Variants in CA6 observed in about 807,000 individuals in gnomAD.
The protein encoded by CA6 is carbonic anhydrase 6.
CA6 carries 28 observed loss-of-function variants against 35.9 expected under a neutral mutation model. The ratio of observed to expected loss-of-function variants is 0.78; its 90% CI spans 0.58 to 1.07. The LOEUF is 1.07. Ranked by LOEUF, CA6 falls within the 50% of genes least tolerant of loss-of-function variation. CA6 has a pLI of 0.00. For missense variants in CA6, 377 were observed against 382.0 expected (o/e 0.99, Z 0.11); for synonymous variants, 148 against 152.6 (o/e 0.97, Z 0.22).
rs1195561738 is a variant in CA6 at position 8,963,372 on chromosome 1, C to T, written c.571+716C>T. 6.6e-6 allele frequency among the ~76,000 whole-genome samples: 1 copy of T among 152,154 alleles called. No homozygotes were observed. The highest frequency in any genetic ancestry group is 6.5e-5 in the Admixed American group (1 of 15,268). On this transcript the variant is annotated intron_variant, in intron 5 of 7. Transcript: ENST00000377443. This position sits in a 1 kb window ranked among gnomAD's most constrained non-coding sequence, Gnocchi z 4.1. The stretch of plus-strand genomic sequence containing the variant: ...CCCGATACTCTCAAGTCTCCCTCAA[C>T]ACTCCCATGCAAACACCCTCTAGCC...
intron 2 of CA6, among the ~76,000 whole-genome samples, chr1:8,955,091 T>C (rs1410328423): frequency 9.2e-6 from 1 of 108,164 alleles, no homozygotes; most frequent in Non-Finnish European, 2.2e-5. Context: ...CATTAATATA[T>C]ATTGCCCAGG....
Position 8,969,670 on chromosome 1 carries a change from C to T in CA6, c.730-1197C>T, listed in dbSNP as rs927121412. On this transcript the variant is annotated intron_variant, in intron 6 of 7. Coordinates refer to ENST00000377443, the MANE Select transcript of CA6 (RefSeq NM_001215.4). Reference sequence around the variant, plus strand: ...GTGTAGATATGTGTGTGTGTGTATACACAACATCCTGCAGTAAACGCATCA... The same window carrying T: ...GTGTAGATATGTGTGTGTGTGTATATACAACATCCTGCAGTAAACGCATCA... Among the ~76,000 whole-genome samples the T allele has an allele frequency of 3.9e-5, 6 of 151,972 alleles. No homozygotes were observed. In the South Asian group the frequency reaches 6.2e-4, roughly 16 times the overall value.
intron 2 of CA6, chr1:8,951,625 G>A (rs1464287711): frequency 1.3e-6 from 1 of 765,254 alleles, no homozygotes. Context: ...ATATGGAAGA[G>A]AAGAGCCCAG....
chr1:8,966,211 G>C (rs1369988479), intron 5 of CA6, among the ~76,000 whole-genome samples: 1 of 152,086 alleles, frequency 6.6e-6, no homozygotes, highest in African/African-American at 2.4e-5. Flanking sequence ...CCAAGTTCAA[G>C]CGCTTCTCCT....
intron 2 of CA6, among the ~76,000 whole-genome samples, chr1:8,954,053 G>A (rs1639610272): frequency 6.6e-6 from 1 of 152,152 alleles, no homozygotes; most frequent in South Asian, 2.1e-4. Context: ...AAAAAGGGGA[G>A]GCATGAATAA....
intron 2 of CA6, among the ~76,000 whole-genome samples, chr1:8,953,533 C>T (rs1007951130): frequency 2.0e-5 from 3 of 152,122 alleles, no homozygotes; most frequent in Non-Finnish European, 2.9e-5. Context: ...GTGCGAGGCT[C>T]ACTTGAGCAG....
At chr1:8,956,963 C>T (rs41278982) in intron 2 of CA6, among the ~76,000 whole-genome samples, 174 bp from the exon 3 acceptor site, 5,729 of 152,268 alleles carry the variant, frequency 0.038, 304 homozygotes, top group African/African-American at 0.11. Context: ...GTGCCCTGTG[C>T]GCAAACGCCT....
intron 4 of CA6, among the ~76,000 whole-genome samples, chr1:8,960,230 C>CAAA (rs199920089): frequency 1.1e-5 from 1 of 90,754 alleles, no homozygotes. Context: ...GACTCCGTCT[C>CAAA]AAAAAAAAAA....
intron 2 of CA6, chr1:8,951,443 C>G (rs1569662919): frequency 1.3e-6 from 1 of 764,000 alleles, no homozygotes; most frequent in East Asian, 2.4e-5. Flanking sequence ...GGAACTCTTC[C>G]TCCCCTCCTT....
chr1:8,946,183 G>A (rs75444155), intron 1 of CA6, among the ~76,000 whole-genome samples: 1 of 152,066 alleles, frequency 6.6e-6, no homozygotes, highest in Non-Finnish European at 1.5e-5. Flanking sequence ...GATTACAGGT[G>A]CCTGCCACCA....
chr1:8,971,857 C>T (rs139748385), intron 7 of CA6, among the ~76,000 whole-genome samples: 3 of 152,340 alleles, frequency 2.0e-5, no homozygotes, highest in Admixed American at 2.0e-4. Flanking sequence ...GTCCTTGGCT[C>T]ACCTCGTTTC....
rs193128677 is a variant in CA6 at position 8,958,904 on chromosome 1, T to C, written c.409-6T>C. On this transcript the variant is annotated splice_region_variant and splice_polypyrimidine_tract_variant and intron_variant, in intron 3 of 7. Coordinates refer to ENST00000377443, the MANE Select transcript of CA6 (RefSeq NM_001215.4). ...GCCCTTGACCCACTCTACCTTGCTC[T>C]TACAGATTCACATTGTTCACTACAA... 122 of 1,552,378 alleles carry C rather than the reference T, an allele frequency of 7.9e-5. 1 individual carries two copies. In the African/African-American group the frequency reaches 1.2e-3, roughly 16 times the overall value.
chr1:8,951,710 G>T, intron 2 of CA6: 1 of 759,720 alleles, frequency 1.3e-6, no homozygotes, highest in Non-Finnish European at 2.4e-6. Context: ...TTAGGGCTCT[G>T]CTCAAATTTC....
chr1:8,965,467 C>T (rs995999177), intron 5 of CA6, among the ~76,000 whole-genome samples: 1 of 152,156 alleles, frequency 6.6e-6, no homozygotes, highest in Non-Finnish European at 1.5e-5. Flanking sequence ...TTTGACTATT[C>T]TAGGTACCTC....
intron 5 of CA6, among the ~76,000 whole-genome samples, chr1:8,962,949 C>T (rs1639880126): frequency 2.0e-5 from 3 of 152,196 alleles, no homozygotes; most frequent in African/African-American, 7.2e-5. Flanking sequence ...CGATGACTGT[C>T]ACCTCAGCTG....
intron 4 of CA6, 103 bp downstream of exon 4, chr1:8,959,105 A>C: frequency 2.8e-6 from 2 of 706,184 alleles, no homozygotes; most frequent in Non-Finnish European, 5.1e-6. Flanking sequence ...ATCACTCTTC[A>C]TCTTTTCCTG....
intron 4 of CA6, among the ~76,000 whole-genome samples, chr1:8,960,195 C>T (rs1162120667): frequency 1.3e-5 from 2 of 150,876 alleles, no homozygotes; most frequent in African/African-American, 4.9e-5. Flanking sequence ...AATGCCACTA[C>T]ACTCCAGCCT....
chr1:8,958,982 G>C lies in CA6; in HGVS notation c.481G>C (p.Val161Leu). ...IAQDAPDGLAVLAAFVEVKNY... is the reference protein window; with the variant it reads ...IAQDAPDGLALLAAFVEVKNY... ...CCAAGATGCGCCGGATGGTTTGGCT[G>C]TACTGGCAGCCTTCGTTGAGGTAAG... The change falls in exon 4 of 8, where the codon GTA becomes CTA. Residue 161 changes from valine to leucine, a missense_variant. Val to Leu is a conservative substitution (Grantham distance 32). Coordinates refer to ENST00000377443, the MANE Select transcript of CA6 (RefSeq NM_001215.4). The C allele has an allele frequency of 6.2e-7, 1 of 1,611,008 alleles. No individual in the cohort carries two copies.
At position 8,957,285 on chromosome 1, in the gene CA6, G is replaced by A. The variant is rs748402636; in HGVS notation, c.408G>A (p.Glu136=). 1.2e-5 allele frequency: 20 copies of A among 1,609,164 alleles called. No homozygotes were observed. In the South Asian group the frequency reaches 2.0e-4, roughly 16 times the overall value. ...HTVDGIRHVI[E]IHIVHYNSKY... is the part of the protein sequence containing the mutation. Reference sequence around the variant, plus strand: ...TGGACGGGATCAGACATGTGATCGAGGTACCTGAGGACCCCCACTGTGTCC... The same window carrying A: ...TGGACGGGATCAGACATGTGATCGAAGTACCTGAGGACCCCCACTGTGTCC... Residue 136 remains glutamate (E), a splice_region_variant and synonymous_variant, in exon 3 of 8, where the codon GAG becomes GAA. Coordinates refer to ENST00000377443, the MANE Select transcript of CA6 (RefSeq NM_001215.4).
Sources: gnomAD v4.1 joint callset for allele counts (sites outside exome capture counted in the v4.1 genomes callset) on GRCh38, gnomAD v4.1.1 for gene constraint, Gnocchi (gnomAD v3.1) non-coding constraint, MANE v1.5 for transcripts, NCBI Gene and HGNC (gene_info 2026-07-23, HGNC 2026-07-21) for gene names.